Variants in CFAP61 observed in about 807,000 individuals in gnomAD.
CFAP61 encodes the protein cilia- and flagella-associated protein 61.
Under a neutral mutation model 135.6 loss-of-function variants are expected in CFAP61, and 107 were observed. That is an observed-to-expected ratio of 0.79 (90% CI 0.67 to 0.93). The LOEUF (loss-of-function observed/expected upper bound fraction) is 0.93, where lower values mean the gene tolerates loss of function less well. Among genes scored for constraint, CFAP61 ranks in the 40% least tolerant of loss-of-function variants. The pLI, the probability that CFAP61 is intolerant of heterozygous loss-of-function variation, is 0.00. For synonymous variants in CFAP61, 575 were observed against 578.5 expected (o/e 0.99, Z 0.09); for missense variants, 1,507 against 1,556.2 (o/e 0.97, Z 0.53).
At chr20:20,355,391 A>G (rs1435197527) in intron 26 of CFAP61, among the ~76,000 whole-genome samples, 10 of 49,300 alleles carry the variant, frequency 2.0e-4, no homozygotes, top group Non-Finnish European at 3.1e-4. Context: ...CACTGTGAGC[A>G]GAGATGGTCA....
At chr20:20,119,443 G>A (rs940412613) in intron 8 of CFAP61, among the ~76,000 whole-genome samples, 1 of 151,942 alleles carries the variant, frequency 6.6e-6, no homozygotes, top group Admixed American at 6.6e-5. Flanking sequence ...TTGTATTTTT[G>A]TGGTCTTAGT....
At chr20:20,312,611 C>CCTTTT in intron 25 of CFAP61, among the ~76,000 whole-genome samples, 1 of 151,360 alleles carries the variant, frequency 6.6e-6, no homozygotes, top group Admixed American at 6.6e-5. Flanking sequence ...GAATCTCAAG[C>CCTTTT]ATAAAAAAAA....
At chr20:20,058,809 G>A (rs1344680088) in intron 2 of CFAP61, among the ~76,000 whole-genome samples, 1 of 152,136 alleles carries the variant, frequency 6.6e-6, no homozygotes, top group Non-Finnish European at 1.5e-5. Flanking sequence ...AAGTGTGAAG[G>A]GATGCAGCTT....
chr20:20,150,394 C>T (rs2424285), intron 9 of CFAP61, among the ~76,000 whole-genome samples: 137,258 of 152,188 alleles, frequency 0.9, 62,715 homozygotes, highest in Middle Eastern at 0.99. Flanking sequence ...CCCCCTTCTA[C>T]TATTGCAGCT....
chr20:20,340,895 G>A (rs1249932023), intron 25 of CFAP61, among the ~76,000 whole-genome samples: 1 of 152,158 alleles, frequency 6.6e-6, no homozygotes, highest in African/African-American at 2.4e-5. Flanking sequence ...TGAGTGCCAG[G>A]CTGTCCCTAA....
chr20:20,196,585 C>CAT lies in CFAP61; in HGVS notation c.1606_1607insAT (p.Arg536HisfsTer41). On this transcript the variant is annotated frameshift_variant, in exon 16 of 27. Transcript: ENST00000245957. LOFTEE classifies it high-confidence loss of function. ...TCTTCTGTAGGACATTGAGTACATA[C>CAT]GGTCCCATTACAACATTGAAGATTT... is the stretch of plus-strand genomic sequence containing the variant. 1 of 1,612,902 alleles carries CAT rather than the reference C, an allele frequency of 6.2e-7. No individual in the cohort carries two copies. Among genetic ancestry groups the CAT allele is most frequent in the South Asian group, 1.1e-5 (1 of 91,066 alleles).
intron 1 of CFAP61, chr20:20,055,863 A>G: frequency 9.4e-7 from 1 of 1,065,038 alleles, no homozygotes; most frequent in Non-Finnish European, 1.4e-6. Context: ...TTTCCCTATG[A>G]AGGAAAGAAG....
At chr20:20,158,349 GAA>G (rs58068878) in intron 9 of CFAP61, among the ~76,000 whole-genome samples, 29,350 of 102,944 alleles carry the variant, frequency 0.29, 2,513 homozygotes, top group Middle Eastern at 0.37. Context: ...GTGGACCTTT[GAA>G]AAAAAAAAAA....
chr20:20,106,069 TCTA>T (rs2048389488), intron 8 of CFAP61, among the ~76,000 whole-genome samples: 1 of 141,628 alleles, frequency 7.1e-6, no homozygotes, highest in Non-Finnish European at 1.5e-5. Flanking sequence ...TTTTCTAGAA[TCTA>T]CTTTGTTAAT....
intron 21 of CFAP61, 55 bp downstream of exon 21, chr20:20,263,185 G>C (rs1341957560): frequency 2.3e-5 from 31 of 1,343,572 alleles, no homozygotes; most frequent in Non-Finnish European, 3.1e-5. Flanking sequence ...TTTTTATAAT[G>C]AGTCTCATTC....
At chr20:20,350,102 C>A (rs1443708139) in intron 26 of CFAP61, among the ~76,000 whole-genome samples, 1 of 152,084 alleles carries the variant, frequency 6.6e-6, no homozygotes. Context: ...TCAGCATCAT[C>A]AATTATTAGG....
chr20:20,175,720 A>T (rs1488316395), intron 13 of CFAP61, among the ~76,000 whole-genome samples: 1 of 151,584 alleles, frequency 6.6e-6, no homozygotes, highest in Non-Finnish European at 1.5e-5. Flanking sequence ...TTTAGTAGAG[A>T]CAGGGTTTCA....
chr20:20,073,823 T>C (rs1240596840), intron 3 of CFAP61: 9 of 153,532 alleles, frequency 5.9e-5, no homozygotes, highest in African/African-American at 2.2e-4. Context: ...AACAAGCCAA[T>C]GGATTCTGAA....
At chr20:20,307,535 T>A (rs116989512) in intron 25 of CFAP61, among the ~76,000 whole-genome samples, 1 of 152,328 alleles carries the variant, frequency 6.6e-6, no homozygotes, top group Non-Finnish European at 1.5e-5. Flanking sequence ...CTTCCAGCCT[T>A]CTATACAGTA....
At chr20:20,304,717 C>T (rs750064085) in intron 25 of CFAP61, among the ~76,000 whole-genome samples, 2 of 151,918 alleles carry the variant, frequency 1.3e-5, no homozygotes, top group Non-Finnish European at 2.9e-5. Context: ...ACACCGGGCG[C>T]GAAAGGACCT....
At position 20,199,832 on chromosome 20, in the gene CFAP61, G is replaced by C. The variant is rs745765676; in HGVS notation, c.1862G>C (p.Arg621Pro). Residue 621 changes from arginine (R) to proline (P), a missense_variant, in exon 17 of 27, where the codon CGA becomes CCA. Physicochemically the swap from Arg to Pro is moderately radical, Grantham distance 103. Transcript: ENST00000245957. Reference protein sequence around the residue: ...ALHYLVPVRPRRQIVYPLEKL... With the variant: ...ALHYLVPVRPPRQIVYPLEKL... ...CATTACTTGGTTCCCGTGCGACCAC[G>C]ACGACAGATTGTCTATCCTCTGGAA... The C allele has an allele frequency of 6.2e-7, 1 of 1,614,136 alleles. No homozygotes were observed. The highest frequency in any genetic ancestry group is 1.3e-5 in the African/African-American group (1 of 75,036).
intron 26 of CFAP61, among the ~76,000 whole-genome samples, chr20:20,348,626 G>A (rs529031146): frequency 2.0e-4 from 28 of 139,146 alleles, no homozygotes; most frequent in Non-Finnish European, 3.9e-4. Context: ...GGAGGTAGAG[G>A]TTGCAGTGAG....
At chr20:20,130,448 G>T (rs1600836666) in intron 8 of CFAP61, among the ~76,000 whole-genome samples, 3 of 151,820 alleles carry the variant, frequency 2.0e-5, no homozygotes, top group African/African-American at 7.3e-5. Flanking sequence ...GTTTCTTGTG[G>T]TGTGTGTTTA....
intron 17 of CFAP61, chr20:20,214,963 C>T (rs964981541): frequency 2.6e-5 from 4 of 152,394 alleles, no homozygotes; most frequent in Middle Eastern, 3.4e-3. Context: ...AGCAATAGCT[C>T]TCACCAAGGA....
Sources: allele counts gnomAD v4.1 joint callset (sites outside exome capture counted in the v4.1 genomes callset), GRCh38; gene constraint gnomAD v4.1.1; transcripts MANE v1.5; gene names NCBI Gene and HGNC (gene_info 2026-07-23, HGNC 2026-07-21).